The following RUFY3 variants were observed in gnomAD, a reference collection of about 807,000 sequenced individuals.
RUFY3 encodes RUN and FYVE domain containing 3, also known as protein RUFY3.
A neutral mutation model predicts 84.0 loss-of-function variants in RUFY3; 34 were observed. That is an observed-to-expected ratio of 0.40 (90% CI 0.31 to 0.54). The LOEUF is 0.54. RUFY3 is among the 20% of genes least tolerant of loss of function. The pLI is 0.39. For missense variants in RUFY3, 507 were observed against 736.8 expected (o/e 0.69, Z 3.61); for synonymous variants, 242 against 252.9 (o/e 0.96, Z 0.41).
In RUFY3 at chr4:70,764,365, T is replaced by A; in HGVS notation, c.471-110T>A. ...GGAGAGGTCCTGAGGAGCACCTCAGTGTGCTTGTTACACTGGAATACCATT... is the reference window on the plus strand; with the variant it reads ...GGAGAGGTCCTGAGGAGCACCTCAGAGTGCTTGTTACACTGGAATACCATT... On this transcript the variant is annotated intron_variant, in intron 3 of 17. Transcript: ENST00000381006. 10 of 739,630 alleles carry A rather than the reference T, an allele frequency of 1.4e-5. No homozygotes were observed. The South Asian group carries it at 1.7e-4, about 13-fold the overall frequency. 45.8% of individuals were successfully genotyped at this position (739,630 alleles called of 1,614,324 possible). A position where few individuals can be genotyped will look rare whatever the true frequency, so the allele number is the denominator to read the frequency against.
intron 4 of RUFY3, among the ~76,000 whole-genome samples, chr4:70,767,682 C>T (rs147106074): frequency 6.6e-6 from 1 of 151,274 alleles, no homozygotes; most frequent in Non-Finnish European, 1.5e-5. Context: ...TGGGTCTTCA[C>T]GAATTTTTTT....
intron 7 of RUFY3, among the ~76,000 whole-genome samples, chr4:70,776,347 A>G (rs1727963819): frequency 6.6e-6 from 1 of 152,174 alleles, no homozygotes; most frequent in Non-Finnish European, 1.5e-5. Context: ...TTTTGTTTTC[A>G]TTGAACTTCT....
At chr4:70,783,688 T>C (rs554659241) in intron 9 of RUFY3, among the ~76,000 whole-genome samples, 14 of 152,338 alleles carry the variant, frequency 9.2e-5, no homozygotes, top group African/African-American at 3.1e-4. Context: ...GGACATAATT[T>C]AATACATTTA....
At chr4:70,782,508 C>G (rs1578201619) in intron 8 of RUFY3, among the ~76,000 whole-genome samples, 1 of 152,066 alleles carries the variant, frequency 6.6e-6, no homozygotes, top group Middle Eastern at 3.4e-3. Context: ...TGGTCTCGAT[C>G]TCCTGACCTC....
chr4:70,784,497 A>G (rs923517622), intron 9 of RUFY3, among the ~76,000 whole-genome samples: 2 of 152,154 alleles, frequency 1.3e-5, no homozygotes, highest in Admixed American at 6.5e-5. Flanking sequence ...AAGAAAAAAA[A>G]AAAACCTATA....
intron 12 of RUFY3, chr4:70,791,920 G>GA: frequency 3.0e-6 from 3 of 983,744 alleles, no homozygotes; most frequent in Non-Finnish European, 3.6e-6. Context: ...GAAAAAAAAA[G>GA]AAAAGAAAAA....
chr4:70,744,331 GCATGTGCCATC>G (rs1309332041), intron 1 of RUFY3, among the ~76,000 whole-genome samples: 1 of 151,608 alleles, frequency 6.6e-6, no homozygotes, highest in Non-Finnish European at 1.5e-5. Context: ...GGGACTACAG[GCATGTGCCATC>G]ACACCTGGCT....
At chr4:70,745,334 A>G (rs758022667) in intron 1 of RUFY3, among the ~76,000 whole-genome samples, 10 of 152,212 alleles carry the variant, frequency 6.6e-5, no homozygotes, top group African/African-American at 2.2e-4. Context: ...TTAGGGTACA[A>G]TTGTATGATG....
rs1730319135 is a variant in RUFY3 at position 70,788,732 on chromosome 4, T to C, written c.1072-74T>C. 5.9e-6 allele frequency: 9 copies of C among 1,523,856 alleles called. No homozygotes were observed. The South Asian group carries it at 1.0e-4, about 18-fold the overall frequency. The allele number at this position is 1,523,856 out of a possible 1,614,324, so 94.4% of individuals were successfully genotyped here. A position where few individuals can be genotyped will look rare whatever the true frequency, so the allele number is the denominator to read the frequency against. On this transcript the variant is annotated intron_variant, in intron 10 of 17. Transcript: ENST00000381006. ...AGACCTGAGAGTTTTGGTGTACTTT[T>C]TCCTGTGAAATATTATGGTTTGTAC... is the stretch of plus-strand genomic sequence containing the variant.
At chr4:70,754,792 A>G (rs1419128862) in intron 1 of RUFY3, among the ~76,000 whole-genome samples, 1 of 152,188 alleles carries the variant, frequency 6.6e-6, no homozygotes, top group Non-Finnish European at 1.5e-5. Flanking sequence ...AAAAGTTCAA[A>G]ATAGATTTAT....
intron 5 of RUFY3, among the ~76,000 whole-genome samples, chr4:70,770,244 A>C (rs937288763): frequency 1.3e-5 from 2 of 152,246 alleles, no homozygotes; most frequent in Admixed American, 6.5e-5. Context: ...ATTAGCCTCT[A>C]ACAAGAGAGT....
At chr4:70,784,192 A>G (rs546295238) in intron 9 of RUFY3, among the ~76,000 whole-genome samples, 4 of 152,342 alleles carry the variant, frequency 2.6e-5, no homozygotes, top group Non-Finnish European at 4.4e-5. Context: ...ATTTAAACCT[A>G]TAGCCCCTGG....
intron 12 of RUFY3, chr4:70,791,125 T>C: frequency 1.1e-6 from 1 of 942,540 alleles, no homozygotes; most frequent in Non-Finnish European, 1.7e-6. Context: ...ACTTATCTCT[T>C]TGAGTATTAA....
intron 1 of RUFY3, among the ~76,000 whole-genome samples, chr4:70,761,116 C>T (rs1724960767): frequency 6.6e-6 from 1 of 152,148 alleles, no homozygotes; most frequent in Admixed American, 6.5e-5. Context: ...AAATGGAATA[C>T]ATCATAGAGC....
intron 1 of RUFY3, among the ~76,000 whole-genome samples, chr4:70,715,482 TCTGAGGC>T (rs1327717351): frequency 3.3e-5 from 5 of 149,266 alleles, no homozygotes; most frequent in Non-Finnish European, 7.4e-5. Context: ...TACTTGGGAG[TCTGAGGC>T]AGTGAGGCAG....
chr4:70,749,360 C>A (rs1045114791), intron 1 of RUFY3, among the ~76,000 whole-genome samples: 2 of 151,988 alleles, frequency 1.3e-5, no homozygotes, highest in Non-Finnish European at 2.9e-5. Flanking sequence ...AAGAAGAAAT[C>A]AGTGTGTTTC....
chr4:70,733,098 GAGAGAGA>G (rs1719625368), intron 1 of RUFY3, among the ~76,000 whole-genome samples: 1 of 65,240 alleles, frequency 1.5e-5, no homozygotes, highest in African/African-American at 9.0e-5. Flanking sequence ...AGAGAGAGGA[GAGAGAGA>G]GAGAGAGAGA....
intron 1 of RUFY3, among the ~76,000 whole-genome samples, chr4:70,735,079 A>AG (rs1560467218): frequency 6.6e-6 from 1 of 152,226 alleles, no homozygotes; most frequent in East Asian, 1.9e-4. Context: ...TCAGTGATAG[A>AG]GCTCAGAACG....
intron 15 of RUFY3, among the ~76,000 whole-genome samples, chr4:70,802,516 A>G (rs1732353688): frequency 6.6e-6 from 1 of 152,188 alleles, no homozygotes; most frequent in Non-Finnish European, 1.5e-5. Flanking sequence ...TTAATTTGCT[A>G]AAGCTCACAT....
Sources: allele counts gnomAD v4.1 joint callset (sites outside exome capture counted in the v4.1 genomes callset), GRCh38; gene constraint gnomAD v4.1.1; transcripts MANE v1.5; gene names NCBI Gene and HGNC (gene_info 2026-07-23, HGNC 2026-07-21).